The following GNAO1 variants were observed in gnomAD, a reference collection of about 807,000 sequenced individuals.
GNAO1 encodes the protein guanine nucleotide-binding protein G(o) subunit alpha.
For synonymous variants in GNAO1, 164 were observed against 180.7 expected (o/e 0.91, Z 0.74); for missense variants, 166 against 478.7 (o/e 0.35, Z 6.10).
At chr16:56,194,383 C>T in intron 2 of GNAO1, 1 of 411,660 alleles carries the variant, frequency 2.4e-6, no homozygotes, top group Non-Finnish European at 4.9e-6. Flanking sequence ...CGAGGGGGGA[C>T]GTTTTAAAAC....
At chr16:56,205,365 A>G (rs1444297857) in intron 2 of GNAO1, among the ~76,000 whole-genome samples, 1 of 152,208 alleles carries the variant, frequency 6.6e-6, no homozygotes, top group Non-Finnish European at 1.5e-5. Flanking sequence ...AGGGCAGACA[A>G]CAAGAGCTGG....
chr16:56,329,574 T>A (rs550336587), intron 4 of GNAO1, among the ~76,000 whole-genome samples: 1 of 152,168 alleles, frequency 6.6e-6, no homozygotes, highest in Non-Finnish European at 1.5e-5. Flanking sequence ...AGCCCTGGGA[T>A]GGTCAGCGTT....
At chr16:56,275,163 G>T (rs567997837) in intron 2 of GNAO1, among the ~76,000 whole-genome samples, 2 of 152,232 alleles carry the variant, frequency 1.3e-5, no homozygotes, top group South Asian at 2.1e-4. Flanking sequence ...AAATTCATTT[G>T]CTCTTTCTGG....
At chr16:56,213,259 T>TC (rs2036407500) in intron 2 of GNAO1, 7 of 398,506 alleles carry the variant, frequency 1.8e-5, no homozygotes, top group Non-Finnish European at 3.1e-5. Context: ...CTTTTTTTTT[T>TC]CCCACTCTGC....
intron 3 of GNAO1, among the ~76,000 whole-genome samples, chr16:56,319,476 C>A (rs1257196810): frequency 1.3e-5 from 2 of 152,114 alleles, no homozygotes; most frequent in African/African-American, 2.4e-5. Context: ...GGAGCCTACG[C>A]CCCTCCTTGG....
intron 7 of GNAO1, among the ~76,000 whole-genome samples, chr16:56,353,846 A>C (rs1242734512): frequency 6.6e-6 from 1 of 152,214 alleles, no homozygotes; most frequent in African/African-American, 2.4e-5. Context: ...AGCTGGTCTC[A>C]GCCATGACAA....
In GNAO1 at chr16:56,343,788, G is replaced by A. The variant is rs1228963748; in HGVS notation, c.723+6928G>A. On this transcript the variant is annotated intron_variant, in intron 6 of 8. Transcript: ENST00000262493. ...GCCCCAGCGCCTTCACAGAAGCCGT[G>A]GCTTACATCCAGGCCCAGTACGAGA... The A allele has an allele frequency of 5.0e-6, 8 of 1,613,576 alleles. No homozygotes were observed. Among genetic ancestry groups the A allele is most frequent in the Non-Finnish European group, 6.8e-6 (8 of 1,179,934 alleles).
chr16:56,212,685 A>G (rs1311347226), intron 2 of GNAO1, among the ~76,000 whole-genome samples: 1 of 152,232 alleles, frequency 6.6e-6, no homozygotes, highest in Non-Finnish European at 1.5e-5. Flanking sequence ...CACAGGATTA[A>G]GTATGTAAAA....
At chr16:56,210,053 G>A (rs534141098) in intron 2 of GNAO1, among the ~76,000 whole-genome samples, 166 of 152,066 alleles carry the variant, frequency 1.1e-3, no homozygotes, top group African/African-American at 3.6e-3. Flanking sequence ...CCTGTTCTTT[G>A]TTCTTCCCCC....
At chr16:56,290,630 C>T (rs576804103) in intron 3 of GNAO1, among the ~76,000 whole-genome samples, 13 of 152,200 alleles carry the variant, frequency 8.5e-5, no homozygotes, top group African/African-American at 1.4e-4. Flanking sequence ...CACCTGCCCA[C>T]GCACTGTGCA....
At chr16:56,339,189 T>C (rs746563826) in intron 6 of GNAO1, among the ~76,000 whole-genome samples, 3 of 152,236 alleles carry the variant, frequency 2.0e-5, no homozygotes, top group Non-Finnish European at 4.4e-5. Context: ...TGGGGGCGCA[T>C]GCAGAGGTGG....
At chr16:56,241,007 G>C (rs940378637) in intron 2 of GNAO1, among the ~76,000 whole-genome samples, 5 of 152,280 alleles carry the variant, frequency 3.3e-5, no homozygotes, top group Admixed American at 6.5e-5. Context: ...GCACCGTCCA[G>C]CTCTCTCTAG....
chr16:56,293,602 A>G (rs1464319996), intron 3 of GNAO1, among the ~76,000 whole-genome samples: 2 of 152,204 alleles, frequency 1.3e-5, no homozygotes, highest in Non-Finnish European at 2.9e-5. Context: ...ATGAGATTAA[A>G]TGGTACGTGG....
chr16:56,268,050 C>T (rs1340680141), intron 2 of GNAO1, among the ~76,000 whole-genome samples: 6 of 152,174 alleles, frequency 3.9e-5, no homozygotes, highest in Non-Finnish European at 5.9e-5. Context: ...GGAGGTAAGA[C>T]GCCTGTAGCA....
intron 2 of GNAO1, among the ~76,000 whole-genome samples, chr16:56,201,174 A>G (rs539745825): frequency 3.9e-5 from 6 of 152,328 alleles, no homozygotes; most frequent in Non-Finnish European, 7.3e-5. Context: ...ACAGTGTGCT[A>G]TGGTAGAACA....
intron 2 of GNAO1, among the ~76,000 whole-genome samples, chr16:56,235,562 G>A (rs1021145351): frequency 8.5e-5 from 13 of 152,206 alleles, no homozygotes; most frequent in Non-Finnish European, 1.3e-4. Context: ...CCTAAAGGCA[G>A]TGCTCCTAGG....
In GNAO1 at chr16:56,318,013, G is replaced by A. The variant is rs146714869; in HGVS notation, c.304-10618G>A. On this transcript the variant is annotated intron_variant, in intron 3 of 8. Coordinates refer to ENST00000262493, the MANE Select transcript of GNAO1 (RefSeq NM_020988.3). ...GCCAAATGCCTGCAGCACCCCAGTTGTTGCCACTACCAAAGACTGGTCACA... is the reference window on the plus strand; with the variant it reads ...GCCAAATGCCTGCAGCACCCCAGTTATTGCCACTACCAAAGACTGGTCACA... Among the ~76,000 whole-genome samples the A allele has an allele frequency of 3.9e-5, 6 of 152,326 alleles. No homozygotes were observed. The East Asian group carries it at 7.7e-4, about 20-fold the overall frequency.
intron 2 of GNAO1, among the ~76,000 whole-genome samples, chr16:56,275,130 A>G (rs7202846): frequency 0.011 from 1,693 of 152,302 alleles, 33 homozygotes; most frequent in African/African-American, 0.038. Flanking sequence ...TTGAGGGAGG[A>G]CAAATGTAGG....
intron 3 of GNAO1, chr16:56,300,818 G>C (rs1213444290): frequency 4.6e-5 from 7 of 152,228 alleles, no homozygotes; most frequent in Non-Finnish European, 1.0e-4. Flanking sequence ...TGTCTGGGTG[G>C]TTCCTGAGTT....
Sources: allele counts gnomAD v4.1 joint callset (sites outside exome capture counted in the v4.1 genomes callset), GRCh38; gene constraint gnomAD v4.1.1; transcripts MANE v1.5; gene names NCBI Gene and HGNC (gene_info 2026-07-23, HGNC 2026-07-21).